FRMD3: variants seen among roughly 807,000 people sequenced by gnomAD.
FRMD3 encodes FERM domain-containing protein 3.
FRMD3 carries 33 observed loss-of-function variants against 70.2 expected under a neutral mutation model. That is an observed-to-expected ratio of 0.47 (90% confidence interval 0.36 to 0.63). FRMD3 has a LOEUF of 0.63. FRMD3 is among the 20% of genes least tolerant of loss of function. The pLI is 0.00. For missense variants in FRMD3, 632 were observed against 711.4 expected (o/e 0.89, Z 1.27); for synonymous variants, 279 against 255.9 (o/e 1.09, Z -0.86).
At chr9:83,447,509 C>T (rs1413009981) in intron 1 of FRMD3, among the ~76,000 whole-genome samples, 1 of 152,196 alleles carries the variant, frequency 6.6e-6, no homozygotes, top group Non-Finnish European at 1.5e-5. Context: ...TGGATGCGGG[C>T]CAGCCGTAGG....
chr9:83,320,062 G>T (rs911957715), intron 6 of FRMD3, among the ~76,000 whole-genome samples: 1 of 152,100 alleles, frequency 6.6e-6, no homozygotes, highest in Admixed American at 6.5e-5. Context: ...TTTTGGTAGC[G>T]ATTTTAGGGT....
chr9:83,298,695 T>C, intron 12 of FRMD3, 53 bp downstream of exon 12: 1 of 1,407,160 alleles, frequency 7.1e-7, no homozygotes. Context: ...ATAGGGGATT[T>C]GGAAAAGCCA....
At chr9:83,545,058 A>G in the FRMD3 span, among the ~76,000 whole-genome samples, 1 of 152,198 alleles carries the variant, frequency 6.6e-6, no homozygotes, top group South Asian at 2.1e-4. Flanking sequence ...AACACCAGAT[A>G]AAGAATTAAA....
chr9:83,271,226 A>G (rs924901719), intron 13 of FRMD3, among the ~76,000 whole-genome samples: 1 of 152,218 alleles, frequency 6.6e-6, no homozygotes, highest in African/African-American at 2.4e-5. Flanking sequence ...CCATTAGTTA[A>G]AATAGTTTGA....
chr9:83,488,714 C>G (rs1246936606), intron 1 of FRMD3, among the ~76,000 whole-genome samples: 1 of 152,172 alleles, frequency 6.6e-6, no homozygotes, highest in Non-Finnish European at 1.5e-5. Flanking sequence ...GGGACCTTGT[C>G]TCATTCATTG....
chr9:83,517,359 C>A (rs1829476070), intron 1 of FRMD3, among the ~76,000 whole-genome samples: 1 of 151,960 alleles, frequency 6.6e-6, no homozygotes, highest in African/African-American at 2.4e-5. Flanking sequence ...TGCAAATAAA[C>A]TAGAAAACCT....
chr9:83,457,413 C>T (rs1001685551), intron 1 of FRMD3, among the ~76,000 whole-genome samples: 1 of 152,138 alleles, frequency 6.6e-6, no homozygotes, highest in Non-Finnish European at 1.5e-5. Context: ...CACACACACC[C>T]TCATTGACCC....
At chr9:83,450,404 T>A (rs1014115398) in intron 1 of FRMD3, among the ~76,000 whole-genome samples, 1 of 147,672 alleles carries the variant, frequency 6.8e-6, no homozygotes, top group Non-Finnish European at 1.5e-5. Context: ...CATGTGCACA[T>A]TGTGCAGGTT....
chr9:83,504,397 C>T (rs1201709558), intron 1 of FRMD3, among the ~76,000 whole-genome samples: 2 of 152,148 alleles, frequency 1.3e-5, no homozygotes, highest in African/African-American at 4.8e-5. Flanking sequence ...CCATTCTCTA[C>T]CAAAGCTTTC....
intron 1 of FRMD3, among the ~76,000 whole-genome samples, chr9:83,502,520 G>A (rs1341982832): frequency 6.6e-6 from 1 of 152,108 alleles, no homozygotes; most frequent in African/African-American, 2.4e-5. Context: ...AACTTACATG[G>A]GCCCAATAGA....
At chr9:83,437,321 C>A (rs570042443) in intron 1 of FRMD3, among the ~76,000 whole-genome samples, 1 of 152,202 alleles carries the variant, frequency 6.6e-6, no homozygotes, top group Non-Finnish European at 1.5e-5. Context: ...TGTGTCTCAG[C>A]AAATTTTATC....
At chr9:83,507,726 A>ATCTATC (rs1210276770) in intron 1 of FRMD3, among the ~76,000 whole-genome samples, 1 of 116,282 alleles carries the variant, frequency 8.6e-6, no homozygotes, top group Non-Finnish European at 1.8e-5. Flanking sequence ...ATATATATAT[A>ATCTATC]TATATATATA....
intron 1 of FRMD3, among the ~76,000 whole-genome samples, chr9:83,480,862 T>C (rs1828552931): frequency 1.3e-5 from 2 of 152,194 alleles, no homozygotes; most frequent in Non-Finnish European, 2.9e-5. Flanking sequence ...GACTTGAGCA[T>C]CCTCGGATTT....
chr9:83,407,451 T>C (rs1048481306), intron 1 of FRMD3, among the ~76,000 whole-genome samples: 13 of 151,964 alleles, frequency 8.6e-5, no homozygotes, highest in African/African-American at 3.1e-4. Flanking sequence ...TTTTAATCTC[T>C]GTATTTCCCC....
chr9:83,536,090 A>G (rs531132532), intron 1 of FRMD3, among the ~76,000 whole-genome samples: 55 of 152,362 alleles, frequency 3.6e-4, no homozygotes, highest in Non-Finnish European at 6.9e-4. Flanking sequence ...TGGTTAAATA[A>G]TAATTGTAAT....
At chr9:83,309,714 G>T in intron 9 of FRMD3, 90 bp from the exon 10 acceptor site, 1 of 689,590 alleles carries the variant, frequency 1.5e-6, no homozygotes. Flanking sequence ...TTACCTCTTT[G>T]TATCCTATCT....
At chr9:83,520,218 T>C (rs1829541184) in intron 1 of FRMD3, among the ~76,000 whole-genome samples, 1 of 151,948 alleles carries the variant, frequency 6.6e-6, no homozygotes. Flanking sequence ...GCTAATTCCT[T>C]CCCCCCCTGG....
intron 1 of FRMD3, among the ~76,000 whole-genome samples, chr9:83,529,274 C>T (rs1259665946): frequency 6.6e-6 from 1 of 152,156 alleles, no homozygotes; most frequent in Non-Finnish European, 1.5e-5. Context: ...TGGATATCCA[C>T]ATGCAAAAGG....
intron 1 of FRMD3, among the ~76,000 whole-genome samples, chr9:83,534,897 T>C (rs1377083559): frequency 2.0e-5 from 3 of 152,198 alleles, no homozygotes; most frequent in Non-Finnish European, 2.9e-5. Flanking sequence ...AGATCATGAA[T>C]CCCAACTGGC....
Sources: gnomAD v4.1 joint callset for allele counts (sites outside exome capture counted in the v4.1 genomes callset) on GRCh38, gnomAD v4.1.1 for gene constraint, MANE v1.5 for transcripts, NCBI Gene and HGNC (gene_info 2026-07-23, HGNC 2026-07-21) for gene names.